Variants in ADSS2 observed in about 807,000 individuals in gnomAD.
The protein encoded by ADSS2 is adenylosuccinate synthase 2.
In ADSS2, 30 loss-of-function variants were observed where a neutral mutation model predicts 60.0. The observed-to-expected ratio is 0.50, with a 90% CI of 0.37 to 0.68. The LOEUF (loss-of-function observed/expected upper bound fraction) is 0.68. Among genes scored for constraint, ADSS2 ranks in the 30% least tolerant of loss-of-function variants. ADSS2 has a pLI of 0.00. For missense variants in ADSS2, 373 were observed against 554.8 expected, an observed-to-expected ratio of 0.67 and a Z score of 3.29; for synonymous variants, 187 against 193.1, an observed-to-expected ratio of 0.97 and a Z score of 0.26.
In ADSS2 at chr1:244,408,865, T is replaced by C. The variant is rs1406971068; in HGVS notation, c.*721A>G. 1 of 152,428 alleles carries C rather than the reference T, an allele frequency of 6.6e-6. No individual in the cohort carries two copies. Among genetic ancestry groups the C allele is most frequent in the Admixed American group, 6.5e-5 (1 of 15,284 alleles). The allele number at this position is 152,428 out of a possible 1,614,324, so 9.4% of individuals were successfully genotyped here. On this transcript the variant is annotated 3_prime_UTR_variant, in exon 13 of 13. Transcript: ENST00000366535. ...CCACCATATATTACAACAGATCTTTTAATGACTATTTTTAACATAAAGATT... is the reference window on the plus strand; with the variant it reads ...CCACCATATATTACAACAGATCTTTCAATGACTATTTTTAACATAAAGATT...
In ADSS2 at chr1:244,409,613, G is replaced by A. The variant is rs1375780827; in HGVS notation, c.1344C>T (p.Ser448=). 6.2e-7 allele frequency: 1 copy of A among 1,608,522 alleles called. No homozygotes were observed. Among genetic ancestry groups the A allele is most frequent in the Non-Finnish European group, 8.5e-7 (1 of 1,175,910 alleles). The change falls in exon 13 of 13, where the codon TCC becomes TCT. Residue 448 remains serine, a synonymous_variant. Transcript: ENST00000366535. ...IPVKWIGVGK[S]RESMIQLF ...AAAAGAGTTGAATCATAGATTCTCTGGATTTACCAACACCAATCCACTTAA... is the reference window on the plus strand; with the variant it reads ...AAAAGAGTTGAATCATAGATTCTCTAGATTTACCAACACCAATCCACTTAA...
At position 244,435,168 on chromosome 1, in the gene ADSS2, C is replaced by CAAAAAAAAAAAAAAAAA. The variant is rs60576167; in HGVS notation, c.355+1640_355+1656dup. On this transcript the variant is annotated intron_variant, in intron 3 of 12. Transcript: ENST00000366535. ...GGGTGACAGAGAGAGACTCCGTCTC[C>CAAAAAAAAAAAAAAAAA]AAAAAAAAAAAAAAAAAAAAAAAAA... Among the ~76,000 whole-genome samples the CAAAAAAAAAAAAAAAAA allele has an allele frequency of 5.2e-4, 27 of 51,744 alleles. 5 individuals carry two copies. The highest frequency in any genetic ancestry group is 2.0e-3 in the African/African-American group (24 of 12,002). 33.9% of individuals were successfully genotyped at this position (51,744 alleles called of 152,430 possible). A position where few individuals can be genotyped will look rare whatever the true frequency, so the allele number is the denominator to read the frequency against.
intron 1 of ADSS2, among the ~76,000 whole-genome samples, chr1:244,441,601 T>C (rs1490325877): frequency 6.6e-6 from 1 of 152,078 alleles, no homozygotes; most frequent in African/African-American, 2.4e-5. Context: ...CTCAGCCTCC[T>C]GAGTCCCTGA....
chr1:244,424,549 T>A (rs1664753095), intron 4 of ADSS2, 162 bp from the exon 5 acceptor site: 1 of 553,612 alleles, frequency 1.8e-6, no homozygotes, highest in African/African-American at 1.9e-5. Flanking sequence ...TAACACCAAC[T>A]AGTACATTAA....
intron 3 of ADSS2, among the ~76,000 whole-genome samples, chr1:244,434,890 G>A (rs1048791305): frequency 1.4e-4 from 21 of 151,900 alleles, no homozygotes; most frequent in Admixed American, 1.1e-3. Flanking sequence ...TGAACAGGGC[G>A]GGGCGCGGTG....
intron 1 of ADSS2, among the ~76,000 whole-genome samples, chr1:244,440,728 AT>A (rs906988202): frequency 1.3e-5 from 2 of 152,224 alleles, no homozygotes; most frequent in Non-Finnish European, 2.9e-5. Flanking sequence ...TATAAAACAT[AT>A]ATACTGTTTT....
intron 1 of ADSS2, among the ~76,000 whole-genome samples, chr1:244,446,745 A>G (rs922033436): frequency 3.3e-5 from 5 of 152,212 alleles, no homozygotes; most frequent in African/African-American, 1.2e-4. Flanking sequence ...AGATGAGGCC[A>G]TAAGACATCC....
chr1:244,412,324 T>C (rs1664434404), intron 11 of ADSS2, among the ~76,000 whole-genome samples: 1 of 152,220 alleles, frequency 6.6e-6, no homozygotes, highest in Non-Finnish European at 1.5e-5. Context: ...AACCCGCCTA[T>C]GTGCAAATCT....
intron 7 of ADSS2, among the ~76,000 whole-genome samples, chr1:244,421,471 T>C (rs1664673461): frequency 6.6e-6 from 1 of 152,210 alleles, no homozygotes; most frequent in Non-Finnish European, 1.5e-5. Flanking sequence ...CCTATTTTTA[T>C]GCCTGAAATG....
intron 3 of ADSS2, among the ~76,000 whole-genome samples, chr1:244,433,625 A>C (rs1665006759): frequency 6.6e-6 from 1 of 152,202 alleles, no homozygotes; most frequent in Non-Finnish European, 1.5e-5. Context: ...TGGGAGGCCA[A>C]GGCGGGCGGA....
At chr1:244,449,315 C>T (rs948725930) in intron 1 of ADSS2, among the ~76,000 whole-genome samples, 7 of 152,148 alleles carry the variant, frequency 4.6e-5, no homozygotes, top group African/African-American at 1.7e-4. Flanking sequence ...ATTATGTGTA[C>T]ATCACTTCTG....
At chr1:244,426,845 A>G (rs1198947936) in intron 4 of ADSS2, among the ~76,000 whole-genome samples, 2 of 152,152 alleles carry the variant, frequency 1.3e-5, no homozygotes, top group Non-Finnish European at 2.9e-5. Flanking sequence ...ATTTCTCCTC[A>G]GAACTGAGCA....
In ADSS2 at chr1:244,451,889, G is replaced by T. The variant is rs1325171378; in HGVS notation, c.-72C>A. ...GAGTGAGCGAACTGAACTGCTCTGC[G>T]GCCGCCAGCCACATGCAGAGGAAGA... On this transcript the variant is annotated 5_prime_UTR_variant, in exon 1 of 13. Transcript: ENST00000366535. This position sits in a 1 kb window ranked among gnomAD's most constrained non-coding sequence, Gnocchi z 6.6. 3.6e-6 allele frequency: 5 copies of T among 1,393,078 alleles called. No individual in the cohort carries two copies. Among genetic ancestry groups the T allele is most frequent in the East Asian group, 2.6e-5 (1 of 37,806 alleles). 86.3% of individuals were successfully genotyped at this position (1,393,078 alleles called of 1,614,324 possible).
At chr1:244,442,269 A>AC (rs57184262) in intron 1 of ADSS2, among the ~76,000 whole-genome samples, 2 of 151,260 alleles carry the variant, frequency 1.3e-5, no homozygotes, top group African/African-American at 4.9e-5. Context: ...ACACACACAC[A>AC]AATTTTTTAG....
chr1:244,423,959 G>A lies in ADSS2; in HGVS notation c.575C>T (p.Ser192Phe), dbSNP rs775593460. ...TGAAACACAAGTTAGTTACCTCTCA[G>A]AGAAGCCATCAAAGTCAGAAACAAG... ...CDLVSDFDGF[S>F]ERFKVLANQY... The change falls in exon 6 of 13, where the codon TCT becomes TTT. Residue 192 changes from serine (S) to phenylalanine (F), a missense_variant. Around this residue, in one of 5 missense-constraint regions of ADSS2, gnomAD observed 139 missense variants for 189.4 expected, o/e 0.73. Transcript: ENST00000366535. The A allele has an allele frequency of 6.2e-7, 1 of 1,609,116 alleles. No individual in the cohort carries two copies. The highest frequency in any genetic ancestry group is 8.5e-7 in the Non-Finnish European group (1 of 1,178,382).
At chr1:244,449,142 C>T (rs1665470017) in intron 1 of ADSS2, among the ~76,000 whole-genome samples, 1 of 152,154 alleles carries the variant, frequency 6.6e-6, no homozygotes, top group South Asian at 2.1e-4. Flanking sequence ...AGGCCTTAAG[C>T]GCTGTTAAGA....
chr1:244,411,133 A>AT (rs1406993044), intron 12 of ADSS2, among the ~76,000 whole-genome samples, 154 bp downstream of exon 12: 1 of 152,084 alleles, frequency 6.6e-6, no homozygotes, highest in African/African-American at 2.4e-5. Context: ...AGGTAGGAGA[A>AT]TAGCTTGAAC....
At position 244,417,533 on chromosome 1, in the gene ADSS2, G is replaced by C. The variant is rs761757405; in HGVS notation, c.1070+95C>G. ...ACAATTTCAATATGGAGTCTAAAGA[G>C]TGAAATTTTCCTATTAAGGTACTCC... On this transcript the variant is annotated intron_variant, in intron 10 of 12. Transcript: ENST00000366535. 1.3e-4 allele frequency: 189 copies of C among 1,441,296 alleles called. 1 individual carries two copies. The highest frequency in any genetic ancestry group is 2.5e-5 in the Non-Finnish European group (26 of 1,057,316). 89.3% of individuals were successfully genotyped at this position (1,441,296 alleles called of 1,614,324 possible).
intron 5 of ADSS2, 123 bp from the exon 6 acceptor site, chr1:244,424,183 A>G (rs1664742428): frequency 1.7e-6 from 2 of 1,182,614 alleles, no homozygotes; most frequent in Non-Finnish European, 2.4e-6. Flanking sequence ...CTTGCTAAGT[A>G]TATGTTCATA....
Sources: gnomAD v4.1 joint callset for allele counts (sites outside exome capture counted in the v4.1 genomes callset) on GRCh38, gnomAD v4.1.1 for gene constraint, gnomAD v4.1.1 regional missense constraint, Gnocchi (gnomAD v3.1) non-coding constraint, MANE v1.5 for transcripts, NCBI Gene and HGNC (gene_info 2026-07-23, HGNC 2026-07-21) for gene names.